LGR4: variants seen among roughly 807,000 people sequenced by gnomAD.
The protein encoded by LGR4 is leucine rich repeat containing G protein-coupled receptor 4, also known as leucine-rich repeat-containing G protein-coupled receptor 4.
LGR4 carries 44 observed loss-of-function variants against 84.8 expected under a neutral mutation model. That is an observed-to-expected ratio of 0.52 (90% confidence interval 0.41 to 0.67). The LOEUF (loss-of-function observed/expected upper bound fraction) is 0.67. Ranked by LOEUF, LGR4 falls within the 30% of genes least tolerant of loss-of-function variation. LGR4 has a pLI of 0.00. For synonymous variants in LGR4, 429 were observed against 434.3 expected, an observed-to-expected ratio of 0.99 and a Z score of 0.15; for missense variants, 1,032 against 1,131.4, an observed-to-expected ratio of 0.91 and a Z score of 1.26.
Position 27,371,721 on chromosome 11 carries a change from G to A in LGR4, c.1496-23C>T, listed in dbSNP as rs764607364. ...TACCTGAACATATAACACAAAGCAT[G>A]TTTAATTAAAACCTTATGCAACTCA... On this transcript the variant is annotated intron_variant, in intron 16 of 17. Transcript: ENST00000379214. 30 of 1,559,834 alleles carry A rather than the reference G, an allele frequency of 1.9e-5. No individual in the cohort carries two copies. The South Asian group carries it at 3.3e-4, about 17-fold the overall frequency.
chr11:27,407,186 G>A (rs1468422614), intron 2 of LGR4, among the ~76,000 whole-genome samples: 1 of 152,078 alleles, frequency 6.6e-6, no homozygotes, highest in Non-Finnish European at 1.5e-5. Flanking sequence ...ATTCTAGGAA[G>A]AACTCCTTGT....
intron 1 of LGR4, among the ~76,000 whole-genome samples, chr11:27,466,853 G>A (rs564425598): frequency 7.2e-5 from 11 of 152,038 alleles, no homozygotes; most frequent in African/African-American, 2.6e-4. Context: ...GCACAATCTC[G>A]GTTCACTGCA....
At position 27,373,566 on chromosome 11, in the gene LGR4, T is replaced by A. The variant is rs1464717098; in HGVS notation, c.1364A>T (p.Asp455Val). The A allele has an allele frequency of 6.3e-7, 1 of 1,581,898 alleles. No homozygotes were observed. Among genetic ancestry groups the A allele is most frequent in the Non-Finnish European group, 8.6e-7 (1 of 1,161,342 alleles). Residue 455 changes from aspartate (D) to valine (V), a missense_variant, in exon 15 of 18, where the codon GAC (aspartate) becomes GTC (valine). Coordinates refer to ENST00000379214, the MANE Select transcript of LGR4 (RefSeq NM_018490.5). ...FKLKEALAAK[D>V]FVNLRSLSVP... Reference sequence around the variant, plus strand: ...AAAAACACACCTGAGGTTAACAAAGTCTTTTGCTGCTAAGGCTTCTTTCAG... The same window carrying A: ...AAAAACACACCTGAGGTTAACAAAGACTTTTGCTGCTAAGGCTTCTTTCAG...
Position 27,412,829 on chromosome 11 carries a change from G to A in LGR4, c.217C>T (p.Pro73Ser). ...DISMNNITQL[P>S]EDAFKNFPFL... is the part of the protein sequence containing the mutation. ...GGAAAGTTCTTAAATGCATCTTCTG[G>A]CAACTGAGTAATGTTGTTCATACTG... Residue 73 changes from proline to serine, a missense_variant, in exon 2 of 18, where the codon CCA (proline) becomes TCA (serine). Physicochemically the swap from Pro to Ser is moderately conservative, Grantham distance 74. Coordinates refer to ENST00000379214, the MANE Select transcript of LGR4 (RefSeq NM_018490.5). 6.2e-7 allele frequency: 1 copy of A among 1,603,314 alleles called. No individual in the cohort carries two copies.
At chr11:27,435,106 C>T (rs1056135845) in intron 1 of LGR4, among the ~76,000 whole-genome samples, 1 of 151,992 alleles carries the variant, frequency 6.6e-6, no homozygotes, top group Non-Finnish European at 1.5e-5. Flanking sequence ...GAGGCCAAGT[C>T]GGGAGATCAC....
chr11:27,466,326 A>C (rs1864777621), intron 1 of LGR4, among the ~76,000 whole-genome samples: 1 of 152,228 alleles, frequency 6.6e-6, no homozygotes, highest in African/African-American at 2.4e-5. Flanking sequence ...AACTTTACTT[A>C]ATATTCTACT....
chr11:27,431,259 T>C (rs896402546), intron 1 of LGR4, among the ~76,000 whole-genome samples: 1 of 152,256 alleles, frequency 6.6e-6, no homozygotes, highest in Admixed American at 6.5e-5. Flanking sequence ...TCTTGTGCCC[T>C]ACTCCAGACC....
chr11:27,381,908 T>A (rs1863102663), intron 7 of LGR4, among the ~76,000 whole-genome samples: 1 of 152,234 alleles, frequency 6.6e-6, no homozygotes, highest in Non-Finnish European at 1.5e-5. Flanking sequence ...TGTCTTAACA[T>A]GATCAGTTTC....
intron 4 of LGR4, among the ~76,000 whole-genome samples, chr11:27,390,203 C>T (rs995659341): frequency 6.6e-5 from 10 of 152,126 alleles, no homozygotes; most frequent in Admixed American, 5.2e-4. Flanking sequence ...GGACAAGCAG[C>T]TCAATCATTT....
chr11:27,425,760 T>C (rs966691736), intron 1 of LGR4, among the ~76,000 whole-genome samples: 1 of 152,144 alleles, frequency 6.6e-6, no homozygotes, highest in Non-Finnish European at 1.5e-5. Context: ...AGAGGTGGAA[T>C]TTTTGGTTTG....
At chr11:27,436,938 T>C (rs1864222316) in intron 1 of LGR4, among the ~76,000 whole-genome samples, 1 of 152,028 alleles carries the variant, frequency 6.6e-6, no homozygotes, top group South Asian at 2.1e-4. Context: ...TGGAGGGATT[T>C]GAGGGGGTGG....
At chr11:27,398,279 T>C (rs1863427777) in intron 2 of LGR4, among the ~76,000 whole-genome samples, 1 of 152,140 alleles carries the variant, frequency 6.6e-6, no homozygotes, top group South Asian at 2.1e-4. Flanking sequence ...CAGATGGTAA[T>C]CTGGGCCAAA....
intron 1 of LGR4, among the ~76,000 whole-genome samples, chr11:27,456,044 G>A (rs923663061): frequency 2.0e-5 from 3 of 152,220 alleles, no homozygotes; most frequent in African/African-American, 7.2e-5. Flanking sequence ...TGGCAGGACA[G>A]ACCAGAGAGC....
chr11:27,382,237 A>G lies in LGR4; in HGVS notation c.709T>C (p.Leu237=). 1 of 1,607,742 alleles carries G rather than the reference A, an allele frequency of 6.2e-7. No individual in the cohort carries two copies. Among genetic ancestry groups the G allele is most frequent in the South Asian group, 1.1e-5 (1 of 90,834 alleles). ...TTAATAGCCTGAGGAAATTCCCCCA[A>G]GTTATTATAATTCAAGTCTCTAGAA... ...LETLDLNYNN[L]GEFPQAIKAL... The change falls in exon 7 of 18, where the codon TTG becomes CTG. Residue 237 remains leucine, a synonymous_variant. Transcript: ENST00000379214.
intron 1 of LGR4, among the ~76,000 whole-genome samples, chr11:27,424,495 C>T (rs181223499): frequency 2.3e-4 from 35 of 152,218 alleles, no homozygotes; most frequent in East Asian, 7.7e-4. Flanking sequence ...TGAGACCCCA[C>T]GCTTACTAAT....
intron 1 of LGR4, among the ~76,000 whole-genome samples, chr11:27,423,287 G>A (rs1405872338): frequency 3.3e-5 from 5 of 152,154 alleles, no homozygotes; most frequent in African/African-American, 1.2e-4. Context: ...TAAATGATGA[G>A]GCAATCCATA....
At chr11:27,455,919 T>C (rs1243772808) in intron 1 of LGR4, among the ~76,000 whole-genome samples, 2 of 152,162 alleles carry the variant, frequency 1.3e-5, no homozygotes, top group Non-Finnish European at 2.9e-5. Context: ...GGAGGCCTAT[T>C]GGGAGGATTA....
chr11:27,469,799 T>C (rs1358741729), intron 1 of LGR4, among the ~76,000 whole-genome samples: 2 of 152,176 alleles, frequency 1.3e-5, no homozygotes, highest in Non-Finnish European at 2.9e-5. Flanking sequence ...TAACTGTATC[T>C]CAGTAAAGCT....
Position 27,367,950 on chromosome 11 carries a change from C to A in LGR4, c.2773G>T (p.Ala925Ser). ...TGGTAGAAGCAGGCTCGTCCACAGGCCTGCACCTGGTCAGAACTGTCTGAG... is the reference window on the plus strand; with the variant it reads ...TGGTAGAAGCAGGCTCGTCCACAGGACTGCACCTGGTCAGAACTGTCTGAG... Reference protein sequence around the residue: ...FVSDSSDQVQACGRACFYQSR... With the variant: ...FVSDSSDQVQSCGRACFYQSR... Residue 925 changes from alanine to serine, a missense_variant, in exon 18 of 18, where the codon GCC (alanine) becomes TCC (serine). Transcript: ENST00000379214. The A allele has an allele frequency of 1.2e-6, 2 of 1,614,002 alleles. No homozygotes were observed. The highest frequency in any genetic ancestry group is 1.7e-6 in the Non-Finnish European group (2 of 1,179,892).
Sources: gnomAD v4.1 joint callset for allele counts (sites outside exome capture counted in the v4.1 genomes callset) on GRCh38, gnomAD v4.1.1 for gene constraint, MANE v1.5 for transcripts, NCBI Gene and HGNC (gene_info 2026-07-23, HGNC 2026-07-21) for gene names.